Variants in FAM200B observed in about 807,000 individuals in gnomAD.
FAM200B encodes zinc finger BED-type containing 11, also known as protein FAM200B.
Under a neutral mutation model 33.1 loss-of-function variants are expected in FAM200B, and 32 were observed. The observed-to-expected ratio is 0.97, with a 90% CI of 0.73 to 1.30. FAM200B has a LOEUF of 1.30. FAM200B is among the 50% of genes most tolerant of loss of function. The pLI is 0.00. For missense variants in FAM200B, 741 were observed against 754.0 expected (o/e 0.98, Z 0.20); for synonymous variants, 240 against 264.8 (o/e 0.91, Z 0.91).
At chr4:15,655,190 C>T in the FAM200B span, 4 of 1,387,390 alleles carry the variant, frequency 2.9e-6, no homozygotes, top group African/African-American at 5.1e-5. Flanking sequence ...GCGGGAGGCT[C>T]AGCGCTCCGT....
upstream of FAM200B, among the ~76,000 whole-genome samples, chr4:15,679,632 A>T (rs1718132446): frequency 6.6e-6 from 1 of 151,868 alleles, no homozygotes; most frequent in Non-Finnish European, 1.5e-5. Context: ...GCTTTTTAAA[A>T]TTAAGCCTTC....
At chr4:15,647,203 A>G in the FAM200B span, among the ~76,000 whole-genome samples, 1 of 144,934 alleles carries the variant, frequency 6.9e-6, no homozygotes, top group Admixed American at 7.0e-5. Context: ...AGCCTGGGCA[A>G]CAAAGCAAGA....
At chr4:15,642,891 G>A in the FAM200B span, among the ~76,000 whole-genome samples, 1 of 152,134 alleles carries the variant, frequency 6.6e-6, no homozygotes, top group Middle Eastern at 3.4e-3. Flanking sequence ...AGAAAGTCAG[G>A]CTGAATCCTC....
At chr4:15,656,243 G>T in the FAM200B span, 1 of 456,234 alleles carries the variant, frequency 2.2e-6, no homozygotes, top group South Asian at 1.5e-5. Flanking sequence ...GAAAATGTCT[G>T]CCTCTTTCCC....
the FAM200B span, chr4:15,655,355 G>T: frequency 8.4e-7 from 1 of 1,195,970 alleles, no homozygotes; most frequent in Non-Finnish European, 1.1e-6. Flanking sequence ...CTCGCCGCGG[G>T]GCAGAGGCGG....
At chr4:15,666,822 A>T in the FAM200B span, among the ~76,000 whole-genome samples, 1 of 152,086 alleles carries the variant, frequency 6.6e-6, no homozygotes, top group Non-Finnish European at 1.5e-5. Context: ...ACCTGTCTCA[A>T]CAAACAAAAC....
the FAM200B span, among the ~76,000 whole-genome samples, chr4:15,676,241 T>A: frequency 6.6e-6 from 1 of 152,236 alleles, no homozygotes; most frequent in South Asian, 2.1e-4. Flanking sequence ...TGCAATAGGA[T>A]GTTTATAAAC....
chr4:15,665,510 G>A, the FAM200B span, among the ~76,000 whole-genome samples: 1 of 152,110 alleles, frequency 6.6e-6, no homozygotes, highest in Non-Finnish European at 1.5e-5. Flanking sequence ...TTTGCGAGAT[G>A]TATCTAAAAT....
At chr4:15,641,651 T>A in the FAM200B span, 1 of 448,840 alleles carries the variant, frequency 2.2e-6, no homozygotes, top group East Asian at 6.9e-5. Flanking sequence ...TTTGAGAGAT[T>A]CAAAAGTTAT....
chr4:15,685,406 C>T (rs1411040551), intron 1 of FAM200B, among the ~76,000 whole-genome samples: 6 of 152,140 alleles, frequency 3.9e-5, no homozygotes, highest in Admixed American at 2.6e-4. Flanking sequence ...CAGGCTTGAA[C>T]AGGTTTAAAA....
At chr4:15,683,592 A>G (rs1442932281) in intron 1 of FAM200B, among the ~76,000 whole-genome samples, 2 of 152,166 alleles carry the variant, frequency 1.3e-5, no homozygotes, top group Non-Finnish European at 2.9e-5. Flanking sequence ...TTTTTAATGT[A>G]TATTTCTTTT....
chr4:15,657,779 G>C, the FAM200B span, among the ~76,000 whole-genome samples: 1 of 152,176 alleles, frequency 6.6e-6, no homozygotes, highest in Non-Finnish European at 1.5e-5. Flanking sequence ...TAGCTCTAAA[G>C]AGGTCATTGA....
At chr4:15,661,748 A>C in the FAM200B span, among the ~76,000 whole-genome samples, 1 of 152,154 alleles carries the variant, frequency 6.6e-6, no homozygotes, top group Non-Finnish European at 1.5e-5. Flanking sequence ...TCAGTTTTTA[A>C]GGATCAGGAA....
At chr4:15,680,882 C>A (rs1356012185), upstream of FAM200B, among the ~76,000 whole-genome samples, 1 of 149,278 alleles carries the variant, frequency 6.7e-6, no homozygotes, top group African/African-American at 2.5e-5. Flanking sequence ...ATATATATGT[C>A]AACCCAAAAA....
At chr4:15,682,616 T>G (rs1577533164) in intron 1 of FAM200B, among the ~76,000 whole-genome samples, 1 of 152,236 alleles carries the variant, frequency 6.6e-6, no homozygotes, top group Non-Finnish European at 1.5e-5. Flanking sequence ...TCCACCTTAT[T>G]CATCTTAATA....
the FAM200B span, among the ~76,000 whole-genome samples, chr4:15,656,930 A>G: frequency 3.3e-5 from 5 of 150,104 alleles, no homozygotes; most frequent in Admixed American, 6.7e-5. Flanking sequence ...TCTGTCATAT[A>G]AATCTGGATC....
At chr4:15,656,003 A>G in the FAM200B span, among the ~76,000 whole-genome samples, 1 of 152,230 alleles carries the variant, frequency 6.6e-6, no homozygotes, top group African/African-American at 2.4e-5. Context: ...AGACCGCGAG[A>G]GAGAGTTCTC....
the FAM200B span, among the ~76,000 whole-genome samples, chr4:15,637,495 T>A: frequency 6.6e-6 from 1 of 152,192 alleles, no homozygotes; most frequent in Admixed American, 6.5e-5. Context: ...AATATAGAAA[T>A]GCTATGATCA....
chr4:15,643,123 CCTT>C, the FAM200B span, among the ~76,000 whole-genome samples: 7 of 152,262 alleles, frequency 4.6e-5, no homozygotes, highest in African/African-American at 1.4e-4. Context: ...AGTAAATCTC[CCTT>C]CTATTAATAT....
Sources: gnomAD v4.1 joint callset for allele counts (sites outside exome capture counted in the v4.1 genomes callset) on GRCh38, gnomAD v4.1.1 for gene constraint, MANE v1.5 for transcripts, NCBI Gene and HGNC (gene_info 2026-07-23, HGNC 2026-07-21) for gene names.